The following TNKS variants were observed in gnomAD, a reference collection of about 807,000 sequenced individuals.
TNKS encodes poly [ADP-ribose] polymerase tankyrase-1.
In TNKS, 72 loss-of-function variants were observed where a neutral mutation model predicts 135.8. The observed-to-expected ratio is 0.53, with a 90% CI of 0.44 to 0.64. TNKS has a LOEUF of 0.64. TNKS is among the 30% of genes least tolerant of loss of function. The pLI, the probability that TNKS is intolerant of heterozygous loss-of-function variation, is 0.00. For missense variants in TNKS, 1,769 were observed against 1,674.0 expected (o/e 1.06, Z -0.99); for synonymous variants, 849 against 649.3 (o/e 1.31, Z -4.68).
Position 9,649,878 on chromosome 8 carries a change from C to CTTTTTTTT in TNKS, c.995-30051_995-30044dup, listed in dbSNP as rs71201959. 4.3e-4 allele frequency among the ~76,000 whole-genome samples: 36 copies of CTTTTTTTT among 83,376 alleles called. 1 individual carries two copies. The highest frequency in any genetic ancestry group is 1.9e-3 in the African/African-American group (35 of 18,790). 54.7% of individuals were successfully genotyped at this position (83,376 alleles called of 152,430 possible). ...CACAGTTCTTTCTTTCTTTTCTTTT[C>CTTTTTTTT]TTTTTTTTTTTTTTTTTTTTTTTTT... On this transcript the variant is annotated intron_variant, in intron 3 of 26. Coordinates refer to ENST00000310430, the MANE Select transcript of TNKS (RefSeq NM_003747.3).
chr8:9,590,237 C>T (rs187495407), intron 2 of TNKS, among the ~76,000 whole-genome samples: 2 of 152,020 alleles, frequency 1.3e-5, no homozygotes, highest in Admixed American at 6.6e-5. Context: ...CCCTGTAATT[C>T]CCTCCCTTTC....
intron 13 of TNKS, 107 bp downstream of exon 13, chr8:9,726,827 G>C: frequency 1.1e-6 from 1 of 908,782 alleles, no homozygotes; most frequent in Non-Finnish European, 1.7e-6. Flanking sequence ...TAAAAAGGAT[G>C]AACAGAGTCA....
chr8:9,628,327 A>T (rs757636016), intron 3 of TNKS, among the ~76,000 whole-genome samples: 3 of 152,012 alleles, frequency 2.0e-5, no homozygotes, highest in Admixed American at 6.5e-5. Flanking sequence ...ATCCCTAACG[A>T]CTGTACTAAA....
intron 1 of TNKS, among the ~76,000 whole-genome samples, chr8:9,572,206 CT>C (rs1431465267): frequency 6.6e-6 from 1 of 152,152 alleles, no homozygotes; most frequent in African/African-American, 2.4e-5. Context: ...ATTAATTTGA[CT>C]TTTACATGGA....
chr8:9,670,600 G>A (rs1305440526), intron 3 of TNKS: 4 of 152,094 alleles, frequency 2.6e-5, no homozygotes, highest in Non-Finnish European at 5.9e-5. Context: ...GGGTGTGCTG[G>A]TATAAACTTG....
At chr8:9,636,595 T>A (rs1489398515) in intron 3 of TNKS, among the ~76,000 whole-genome samples, 1 of 152,204 alleles carries the variant, frequency 6.6e-6, no homozygotes, top group African/African-American at 2.4e-5. Context: ...GTTATAATTG[T>A]TAACTCTCCT....
chr8:9,735,517 C>T (rs1308014124), intron 17 of TNKS, 31 bp downstream of exon 17: 2 of 1,578,780 alleles, frequency 1.3e-6, no homozygotes, highest in East Asian at 2.2e-5. Flanking sequence ...ATCTAGAAAA[C>T]TGACCGCACG....
chr8:9,707,131 A>T, intron 8 of TNKS, 134 bp downstream of exon 8: 1 of 757,986 alleles, frequency 1.3e-6, no homozygotes, highest in Non-Finnish European at 2.0e-6. Context: ...CTAATTGTAT[A>T]CTTTTCTTCA....
intron 3 of TNKS, among the ~76,000 whole-genome samples, chr8:9,625,666 GGTT>G (rs1182196261): frequency 1.6e-4 from 24 of 152,140 alleles, no homozygotes; most frequent in African/African-American, 5.3e-4. Flanking sequence ...TTTAGAGTAT[GGTT>G]GTTTAGATTC....
At chr8:9,722,479 C>T (rs1467604871) in intron 12 of TNKS, 2 of 149,446 alleles carry the variant, frequency 1.3e-5, no homozygotes, top group South Asian at 2.1e-4. Context: ...ATCTATCTAG[C>T]ATGTCTTCAC....
intron 2 of TNKS, among the ~76,000 whole-genome samples, chr8:9,607,683 A>C (rs957359403): frequency 2.6e-5 from 4 of 152,236 alleles, no homozygotes; most frequent in African/African-American, 9.6e-5. Flanking sequence ...TATACTATAT[A>C]AAATAATTAC....
At position 9,779,476 on chromosome 8, in the gene TNKS, AG is replaced by A. The variant is rs1172021468; in HGVS notation, c.*2743del. 6.6e-6 allele frequency: 1 copy of A among 152,192 alleles called. No individual in the cohort carries two copies. The highest frequency in any genetic ancestry group is 2.4e-5 in the African/African-American group (1 of 41,420). 9.4% of individuals were successfully genotyped at this position (152,192 alleles called of 1,614,324 possible). Reference sequence around the variant, plus strand: ...GGCTCTACCCGAGTTCCAAAACTAAAGGGCTTCTCCAGACCTGATGGTTCCA... The same window carrying A: ...GGCTCTACCCGAGTTCCAAAACTAAAGGCTTCTCCAGACCTGATGGTTCCA... On this transcript the variant is annotated 3_prime_UTR_variant, in exon 27 of 27. Coordinates refer to ENST00000310430, the MANE Select transcript of TNKS (RefSeq NM_003747.3).
Position 9,589,911 on chromosome 8 carries a change from A to G in TNKS, c.898+9528A>G, listed in dbSNP as rs146668875. Among the ~76,000 whole-genome samples, 296 of 152,338 alleles carry G rather than the reference A, an allele frequency of 1.9e-3. 2 individuals are homozygous for G. Among genetic ancestry groups the G allele is most frequent in the Non-Finnish European group, 9.7e-4 (66 of 68,034 alleles). ...CCACAAACTCTTCTGAATTAATTCT[A>G]TATGCATATACTGCCACCCAACACG... On this transcript the variant is annotated intron_variant, in intron 2 of 26. Coordinates refer to ENST00000310430, the MANE Select transcript of TNKS (RefSeq NM_003747.3).
chr8:9,682,798 GTTA>G (rs909877213), intron 5 of TNKS, among the ~76,000 whole-genome samples: 1 of 135,012 alleles, frequency 7.4e-6, no homozygotes, highest in Non-Finnish European at 1.6e-5. Context: ...TATGTTTTTT[GTTA>G]TTATTACTAA....
intron 4 of TNKS, 117 bp downstream of exon 4, chr8:9,680,104 A>T: frequency 1.4e-6 from 1 of 708,664 alleles, no homozygotes; most frequent in Non-Finnish European, 2.5e-6. Flanking sequence ...TTATGCAATT[A>T]TGCAGATACT....
At chr8:9,608,998 T>A (rs1799341358) in intron 2 of TNKS, among the ~76,000 whole-genome samples, 1 of 152,210 alleles carries the variant, frequency 6.6e-6, no homozygotes, top group South Asian at 2.1e-4. Context: ...AAACTAAAGT[T>A]TTATTTAAAA....
At chr8:9,582,915 C>T (rs925459689) in intron 2 of TNKS, among the ~76,000 whole-genome samples, 1 of 151,934 alleles carries the variant, frequency 6.6e-6, no homozygotes, top group Admixed American at 6.5e-5. Context: ...GTCTGTTATC[C>T]CAGCACTTTG....
At chr8:9,705,162 T>G (rs896096447) in intron 6 of TNKS, among the ~76,000 whole-genome samples, 5 of 152,188 alleles carry the variant, frequency 3.3e-5, no homozygotes, top group African/African-American at 4.8e-5. Context: ...ATACCAAATT[T>G]TTTTTCTGGT....
At chr8:9,656,472 GT>G (rs1007953055) in intron 3 of TNKS, among the ~76,000 whole-genome samples, 37 of 152,272 alleles carry the variant, frequency 2.4e-4, no homozygotes, top group African/African-American at 7.7e-4. Context: ...GGGAAAAAAT[GT>G]TAAGGGCAGC....
Sources: gnomAD v4.1 joint callset for allele counts (sites outside exome capture counted in the v4.1 genomes callset) on GRCh38, gnomAD v4.1.1 for gene constraint, MANE v1.5 for transcripts, NCBI Gene and HGNC (gene_info 2026-07-23, HGNC 2026-07-21) for gene names.